PODXL: variants seen among roughly 807,000 people sequenced by gnomAD.
The protein encoded by PODXL is podocalyxin like, also known as podocalyxin.
Under a neutral mutation model 48.9 loss-of-function variants are expected in PODXL, and 20 were observed. The ratio of observed to expected loss-of-function variants is 0.41; its 90% CI spans 0.29 to 0.59. The LOEUF is 0.59. Ranked by LOEUF, PODXL falls within the 20% of genes least tolerant of loss-of-function variation. The probability of loss-of-function intolerance (pLI) is 0.31; values close to 1 mark genes in which losing one functional copy is unlikely to be tolerated. For synonymous variants in PODXL, 295 were observed against 287.4 expected, an observed-to-expected ratio of 1.03 and a Z score of -0.27; for missense variants, 606 against 675.1, an observed-to-expected ratio of 0.90 and a Z score of 1.13.
chr7:131,526,592 C>T (rs1798189421), intron 1 of PODXL, among the ~76,000 whole-genome samples: 1 of 151,528 alleles, frequency 6.6e-6, no homozygotes, highest in African/African-American at 2.4e-5. Flanking sequence ...TCATACCCAT[C>T]AGATTGACAA....
chr7:131,523,867 C>T (rs967459521), intron 1 of PODXL, among the ~76,000 whole-genome samples: 4 of 150,382 alleles, frequency 2.7e-5, no homozygotes, highest in Admixed American at 2.0e-4. Context: ...GGTGCAATCT[C>T]GGCTCACCTC....
At chr7:131,550,660 A>G (rs1798653847) in intron 1 of PODXL, among the ~76,000 whole-genome samples, 2 of 152,168 alleles carry the variant, frequency 1.3e-5, no homozygotes, top group Non-Finnish European at 2.9e-5. Flanking sequence ...TAAAATAAAA[A>G]AATATATAAA....
At chr7:131,517,101 A>T (rs1202438119) in intron 1 of PODXL, among the ~76,000 whole-genome samples, 2 of 152,226 alleles carry the variant, frequency 1.3e-5, no homozygotes, top group African/African-American at 4.8e-5. Context: ...GGATATTGTT[A>T]AGAGGACTAT....
At chr7:131,532,161 C>T (rs887450905) in intron 1 of PODXL, among the ~76,000 whole-genome samples, 2 of 148,404 alleles carry the variant, frequency 1.3e-5, no homozygotes, top group South Asian at 2.1e-4. Context: ...CGTGGCCGGG[C>T]GTGGTGGCTC....
chr7:131,520,318 G>A (rs1798071685), intron 1 of PODXL: 11 of 530,166 alleles, frequency 2.1e-5, no homozygotes, highest in South Asian at 1.6e-4. Flanking sequence ...CTCCAGATGT[G>A]CGCATTGATA....
chr7:131,514,590 T>G (rs1797963233), intron 1 of PODXL, among the ~76,000 whole-genome samples: 1 of 151,918 alleles, frequency 6.6e-6, no homozygotes, highest in East Asian at 1.9e-4. Flanking sequence ...ATTAAGAAAT[T>G]GGTGGGATGA....
intron 5 of PODXL, among the ~76,000 whole-genome samples, chr7:131,508,510 G>A (rs1403811802): frequency 6.6e-6 from 1 of 152,114 alleles, no homozygotes; most frequent in Non-Finnish European, 1.5e-5. Flanking sequence ...TCCTGCCTCA[G>A]CTTCTCAAAG....
intron 1 of PODXL, among the ~76,000 whole-genome samples, chr7:131,515,694 C>T (rs775584021): frequency 2.0e-5 from 3 of 152,156 alleles, no homozygotes; most frequent in African/African-American, 4.8e-5. Context: ...TGAGCCACCG[C>T]GCCTGGCCAA....
rs1157552834 is a variant in PODXL, at chr7:131,500,295, C to T, written c.*4016G>A. 6.6e-6 allele frequency: 1 copy of T among 152,576 alleles called. No individual in the cohort carries two copies. The highest frequency in any genetic ancestry group is 1.9e-4 in the East Asian group (1 of 5,182). The allele number at this position is 152,576 out of a possible 1,614,324, so 9.5% of individuals were successfully genotyped here. On this transcript the variant is annotated 3_prime_UTR_variant, in exon 9 of 9. Transcript: ENST00000378555. ...GTTTACACAAAAACACTTTAATTGA[C>T]AGTATACAATTTTCCAAAATATATT...
chr7:131,555,393 C>A (rs77960790), intron 1 of PODXL, among the ~76,000 whole-genome samples: 1 of 152,168 alleles, frequency 6.6e-6, no homozygotes, highest in Non-Finnish European at 1.5e-5. Context: ...GCCTGTCCCC[C>A]AAAAGGGAAA....
At chr7:131,511,508 G>A in intron 1 of PODXL, 75 bp from the exon 2 acceptor site, 6 of 1,476,618 alleles carry the variant, frequency 4.1e-6, no homozygotes, top group South Asian at 1.2e-5. Context: ...CTCTTCCCCA[G>A]GATTCAGAGG....
rs761178336 is a variant in PODXL at position 131,506,627 on chromosome 7, AT to A, written c.1200del (p.Ser401LeufsTer28). 6.2e-7 allele frequency: 1 copy of A among 1,614,142 alleles called. No individual in the cohort carries two copies. Among genetic ancestry groups the A allele is most frequent in the Non-Finnish European group, 8.5e-7 (1 of 1,180,018 alleles). The stretch of plus-strand genomic sequence containing the variant: ...ACCACGGTCTGACTTCCTGGAACAG[AT>A]GCCAGCCGTATGCCGCACTTATCTT... ...PAQDKCGIRLASVPGSQTVVV... is the reference protein window; with the variant it reads ...PAQDKCGIRLXSVPGSQTVVV... On this transcript the variant is annotated frameshift_variant, in exon 6 of 9. Coordinates refer to ENST00000378555, the MANE Select transcript of PODXL (RefSeq NM_001018111.3). LOFTEE classifies it high-confidence loss of function.
intron 1 of PODXL, among the ~76,000 whole-genome samples, chr7:131,541,328 T>C (rs1798477791): frequency 6.8e-6 from 1 of 147,184 alleles, no homozygotes; most frequent in Admixed American, 6.9e-5. Context: ...CTGTATCTTT[T>C]GGACAGTAGG....
chr7:131,527,138 C>A (rs908873723), intron 1 of PODXL, among the ~76,000 whole-genome samples: 15 of 152,070 alleles, frequency 9.9e-5, no homozygotes, highest in Admixed American at 2.0e-4. Context: ...TCACATTGGC[C>A]CCATACAGGT....
intron 1 of PODXL, among the ~76,000 whole-genome samples, chr7:131,555,745 C>T (rs968374672): frequency 6.6e-6 from 1 of 152,204 alleles, no homozygotes; most frequent in South Asian, 2.1e-4. Flanking sequence ...TTAGAAAAAA[C>T]CTCTGCAAAC....
intron 1 of PODXL, among the ~76,000 whole-genome samples, chr7:131,539,614 C>T (rs925385777): frequency 6.6e-5 from 10 of 152,230 alleles, no homozygotes; most frequent in Non-Finnish European, 1.3e-4. Flanking sequence ...CCACCACGCC[C>T]AGTCCCCGAA....
intron 1 of PODXL, among the ~76,000 whole-genome samples, chr7:131,547,369 C>A: frequency 1.5e-5 from 1 of 65,004 alleles, no homozygotes; most frequent in Non-Finnish European, 2.5e-5. Context: ...AGTGAAACTC[C>A]GTCTCAAAAA....
At chr7:131,550,049 G>C (rs12113630) in intron 1 of PODXL, among the ~76,000 whole-genome samples, 5,449 of 152,298 alleles carry the variant, frequency 0.036, 114 homozygotes, top group South Asian at 0.049. Flanking sequence ...TGTGGGCAAG[G>C]GCCACTGATG....
intron 1 of PODXL, among the ~76,000 whole-genome samples, chr7:131,541,613 G>A (rs1239534323): frequency 6.6e-6 from 1 of 151,698 alleles, no homozygotes; most frequent in Non-Finnish European, 1.5e-5. Context: ...GAACCTGGGA[G>A]GCGGAGGTTG....
Sources: allele counts gnomAD v4.1 joint callset (sites outside exome capture counted in the v4.1 genomes callset), GRCh38; gene constraint gnomAD v4.1.1; transcripts MANE v1.5; gene names NCBI Gene and HGNC (gene_info 2026-07-23, HGNC 2026-07-21).